CPN1: variants seen among roughly 807,000 people sequenced by gnomAD.
CPN1 encodes the protein carboxypeptidase N catalytic chain.
Under a neutral mutation model 46.4 loss-of-function variants are expected in CPN1, and 37 were observed. The ratio of observed to expected loss-of-function variants is 0.80; its 90% CI spans 0.61 to 1.05. The LOEUF (loss-of-function observed/expected upper bound fraction) is 1.05, where lower values mean the gene tolerates loss of function less well. CPN1 is among the 50% of genes least tolerant of loss of function. The pLI is 0.00. For synonymous variants in CPN1, 224 were observed against 235.4 expected, an observed-to-expected ratio of 0.95 and a Z score of 0.44; for missense variants, 563 against 602.6, an observed-to-expected ratio of 0.93 and a Z score of 0.69.
intron 8 of CPN1, among the ~76,000 whole-genome samples, chr10:100,045,277 T>C (rs1300049835): frequency 6.6e-6 from 1 of 152,198 alleles, no homozygotes; most frequent in Non-Finnish European, 1.5e-5. Context: ...TGTTTGAATT[T>C]GGCGTTGAAC....
At chr10:100,061,043 A>G (rs752983578) in intron 5 of CPN1, among the ~76,000 whole-genome samples, 12 of 152,012 alleles carry the variant, frequency 7.9e-5, no homozygotes, top group Non-Finnish European at 1.5e-4. Context: ...TAAATAATTG[A>G]ACTCATGAAA....
At chr10:100,059,029 A>C (rs1212098523) in intron 5 of CPN1, among the ~76,000 whole-genome samples, 1 of 152,216 alleles carries the variant, frequency 6.6e-6, no homozygotes, top group East Asian at 1.9e-4. Context: ...CATATACAAA[A>C]ATTAACTCAA....
chr10:100,054,436 C>A lies in CPN1; in HGVS notation c.1022G>T (p.Gly341Val), dbSNP rs1445826701. 6.2e-7 allele frequency: 1 copy of A among 1,612,716 alleles called. No homozygotes were observed. Among genetic ancestry groups the A allele is most frequent in the Admixed American group, 1.7e-5 (1 of 60,020 alleles). ...LIQFLEQVHQ[G>V]IKGMVLDENY... is the part of the protein sequence containing the mutation. ...CTCATCAAGCACCATTCCCTTGATG[C>A]CCTGGTGAACCTGCAGGAACAAGTA... The change falls in exon 7 of 9, where the codon GGC becomes GTC. Residue 341 changes from glycine to valine, a missense_variant. Transcript: ENST00000370418.
At chr10:100,066,258 A>G (rs1323808344) in intron 3 of CPN1, among the ~76,000 whole-genome samples, 1 of 152,168 alleles carries the variant, frequency 6.6e-6, no homozygotes, top group Non-Finnish European at 1.5e-5. Context: ...GCCAAAAAAG[A>G]GAAGTTCTGT....
At position 100,042,379 on chromosome 10, in the gene CPN1, G is replaced by C; in HGVS notation, c.*48C>G. 1 of 1,609,606 alleles carries C rather than the reference G, an allele frequency of 6.2e-7. No individual in the cohort carries two copies. Among genetic ancestry groups the C allele is most frequent in the Non-Finnish European group, 8.5e-7 (1 of 1,177,686 alleles). Reference sequence around the variant, plus strand: ...ATAGAAAGAATGCTTGATCTGATCTGAGAGCAGGAGCAAAGCCTTTCTGAA... The same window carrying C: ...ATAGAAAGAATGCTTGATCTGATCTCAGAGCAGGAGCAAAGCCTTTCTGAA... On this transcript the variant is annotated 3_prime_UTR_variant, in exon 9 of 9. Transcript: ENST00000370418.
In CPN1 at chr10:100,042,245, T is replaced by G; in HGVS notation, c.*182A>C. 1.3e-6 allele frequency: 1 copy of G among 773,524 alleles called. No homozygotes were observed. Among genetic ancestry groups the G allele is most frequent in the Non-Finnish European group, 2.1e-6 (1 of 475,500 alleles). The allele number at this position is 773,524 out of a possible 1,614,324, so 47.9% of individuals were successfully genotyped here. Reference sequence around the variant, plus strand: ...GGCCACCACATCACCTTTCAATAGATCCTAATTTTTTTCATGATGACCTAG... The same window carrying G: ...GGCCACCACATCACCTTTCAATAGAGCCTAATTTTTTTCATGATGACCTAG... On this transcript the variant is annotated 3_prime_UTR_variant, in exon 9 of 9. Transcript: ENST00000370418.
chr10:100,065,928 A>G (rs1032103714), intron 3 of CPN1, among the ~76,000 whole-genome samples: 2 of 151,812 alleles, frequency 1.3e-5, no homozygotes, highest in African/African-American at 4.8e-5. Context: ...CTGTTGAGAG[A>G]GAAAGGGAGA....
At chr10:100,074,039 C>CG (rs879334437) in intron 2 of CPN1, among the ~76,000 whole-genome samples, 1 of 152,076 alleles carries the variant, frequency 6.6e-6, no homozygotes, top group South Asian at 2.1e-4. Context: ...CCCCATCCCC[C>CG]CCCCACAATA....
intron 6 of CPN1, among the ~76,000 whole-genome samples, chr10:100,055,663 T>C (rs938051946): frequency 2.6e-5 from 4 of 152,178 alleles, no homozygotes; most frequent in African/African-American, 9.7e-5. Flanking sequence ...TAGCTGGGAT[T>C]ACAGGCATGC....
intron 7 of CPN1, among the ~76,000 whole-genome samples, chr10:100,051,235 A>C (rs2041350896): frequency 6.6e-6 from 1 of 152,252 alleles, no homozygotes; most frequent in South Asian, 2.1e-4. Context: ...ACATTGAGAC[A>C]AACAATAATG....
chr10:100,042,647 G>A (rs1357498623), intron 8 of CPN1, 74 bp from the exon 9 acceptor site: 1 of 1,580,742 alleles, frequency 6.3e-7, no homozygotes. Flanking sequence ...TCTGAGGGCT[G>A]GGTACTAGGG....
intron 4 of CPN1, among the ~76,000 whole-genome samples, chr10:100,064,785 T>A (rs2041443509): frequency 6.6e-6 from 1 of 152,160 alleles, no homozygotes; most frequent in East Asian, 1.9e-4. Flanking sequence ...TGTAGTCTAT[T>A]TTTCTTTTTT....
At chr10:100,059,899 T>C (rs1335566164) in intron 5 of CPN1, among the ~76,000 whole-genome samples, 2 of 152,196 alleles carry the variant, frequency 1.3e-5, no homozygotes, top group African/African-American at 4.8e-5. Context: ...AATGGAATAT[T>C]GTTCAGCCTT....
At chr10:100,050,183 A>AT (rs201165132) in intron 7 of CPN1, among the ~76,000 whole-genome samples, 2,218 of 152,132 alleles carry the variant, frequency 0.015, 55 homozygotes, top group African/African-American at 0.051. Context: ...TGAAACCCCC[A>AT]TCTCTACTAA....
At position 100,065,215 on chromosome 10, in the gene CPN1, G is replaced by T. The variant is rs139499188; in HGVS notation, c.732C>A (p.Pro244=). ...TCTGGAAGAGCTTGTCGTCAGGCGT[G>T]GGGGTGCTGGCGGTGCGGCGGACCC... ...VRGVRRTAST[P]TPDDKLFQKL... is the part of the protein sequence containing the mutation. Residue 244 remains proline (P), a synonymous_variant, in exon 4 of 9, where the codon CCC becomes CCA. Coordinates refer to ENST00000370418, the MANE Select transcript of CPN1 (RefSeq NM_001308.3). The T allele has an allele frequency of 1.2e-6, 2 of 1,613,862 alleles. No individual in the cohort carries two copies. The highest frequency in any genetic ancestry group is 2.2e-5 in the East Asian group (1 of 44,890).
chr10:100,062,718 C>T (rs574022691), intron 5 of CPN1, among the ~76,000 whole-genome samples: 1 of 151,780 alleles, frequency 6.6e-6, no homozygotes, highest in South Asian at 2.1e-4. Flanking sequence ...CTCAGCCTCC[C>T]CATTAGCTGG....
rs374870878 is a variant in CPN1 at position 100,076,051 on chromosome 10, C to T, written c.280G>A (p.Glu94Lys). Reference protein sequence around the residue: ...NMHGNEALGRELMLQLSEFLC... With the variant: ...NMHGNEALGRKLMLQLSEFLC... Reference sequence around the variant, plus strand: ...AACTCCGACAGCTGCAGCATCAGCTCGCGGCCCAACGCTTCGTTGCCGTGC... The same window carrying T: ...AACTCCGACAGCTGCAGCATCAGCTTGCGGCCCAACGCTTCGTTGCCGTGC... The change falls in exon 2 of 9, where the codon GAG becomes AAG. Residue 94 changes from glutamate (E) to lysine (K), a missense_variant. Coordinates refer to ENST00000370418, the MANE Select transcript of CPN1 (RefSeq NM_001308.3). 57 of 1,614,060 alleles carry T rather than the reference C, an allele frequency of 3.5e-5. No homozygotes were observed. The highest frequency in any genetic ancestry group is 4.3e-5 in the Non-Finnish European group (51 of 1,180,048).
intron 8 of CPN1, among the ~76,000 whole-genome samples, chr10:100,046,184 C>T (rs181812586): frequency 2.0e-5 from 3 of 152,290 alleles, no homozygotes; most frequent in African/African-American, 7.2e-5. Flanking sequence ...GATCAGGGCC[C>T]AGGGAGCACC....
intron 7 of CPN1, among the ~76,000 whole-genome samples, chr10:100,050,824 G>T (rs1420373547): frequency 6.6e-6 from 1 of 152,132 alleles, no homozygotes; most frequent in African/African-American, 2.4e-5. Context: ...AGAGATGGAG[G>T]TCTTGCTATG....
Sources: allele counts gnomAD v4.1 joint callset (sites outside exome capture counted in the v4.1 genomes callset), GRCh38; gene constraint gnomAD v4.1.1; transcripts MANE v1.5; gene names NCBI Gene and HGNC (gene_info 2026-07-23, HGNC 2026-07-21).